The following PAQR5 variants were observed in gnomAD, a reference collection of about 807,000 sequenced individuals.
PAQR5 encodes the protein progestin and adipoQ receptor family member 5, also known as membrane progestin receptor gamma.
A neutral mutation model predicts 34.5 loss-of-function variants in PAQR5; 20 were observed. The ratio of observed to expected loss-of-function variants is 0.58; its 90% CI spans 0.41 to 0.84. The LOEUF (loss-of-function observed/expected upper bound fraction) is 0.84. Ranked by LOEUF, PAQR5 falls within the 40% of genes least tolerant of loss-of-function variation. The pLI is 0.00. For synonymous variants in PAQR5, 131 were observed against 155.6 expected (o/e 0.84, Z 1.18); for missense variants, 378 against 412.7 (o/e 0.92, Z 0.73).
At chr15:69,310,966 G>A (rs559395273) in intron 1 of PAQR5, among the ~76,000 whole-genome samples, 1 of 148,046 alleles carries the variant, frequency 6.8e-6, no homozygotes, top group Non-Finnish European at 1.5e-5. Context: ...GTGAACCCGG[G>A]AGGCGGAGCT....
In PAQR5 at chr15:69,379,972, T is replaced by C. The variant is rs1021540818; in HGVS notation, c.141T>C (p.Asn47=). 2 of 1,613,188 alleles carry C rather than the reference T, an allele frequency of 1.2e-6. No homozygotes were observed. The highest frequency in any genetic ancestry group is 1.3e-5 in the African/African-American group (1 of 75,066). The part of the protein sequence containing the change: ...ACILSLFQMT[N]ETLNIWTHLL... ...TCCTCAGCCTTTTCCAAATGACCAA[T>C]GAGACTCTCAACATTTGGACTCACT... is the stretch of plus-strand genomic sequence containing the variant. The change falls in exon 4 of 9, where the codon AAT becomes AAC. Residue 47 remains asparagine, a synonymous_variant. Transcript: ENST00000395407.
At chr15:69,382,710 GTATGTATA>G (rs1469819908) in intron 4 of PAQR5, 6 of 114,564 alleles carry the variant, frequency 5.2e-5, no homozygotes, top group African/African-American at 1.7e-4. Context: ...ATATATGTAT[GTATGTATA>G]TATGTATGTA....
At chr15:69,400,614 G>C (rs961777184) in intron 8 of PAQR5, among the ~76,000 whole-genome samples, 8 of 152,162 alleles carry the variant, frequency 5.3e-5, no homozygotes, top group Non-Finnish European at 1.5e-5. Flanking sequence ...CTGGAAGGTT[G>C]AGGCTACAGT....
At chr15:69,322,766 A>AGAAGATGAGGAAGAAGAAGAAGAG (rs2054144704) in intron 1 of PAQR5, among the ~76,000 whole-genome samples, 2 of 25,838 alleles carry the variant, frequency 7.7e-5, no homozygotes, top group African/African-American at 2.0e-4. Flanking sequence ...AAGAAGAAGA[A>AGAAGATGAGGAAGAAGAAGAAGAG]GAAGAGGGAG....
rs144601337 is a variant in PAQR5, at chr15:69,390,356, A to ATTTTTTTT, written c.512+579_512+580insTTTTTTTT. ...TATTTATTTATTTATTTATTTATTTATTTATTTTTTTGAGACAGGGTCTCT... is the reference window on the plus strand; with the variant it reads ...TATTTATTTATTTATTTATTTATTTATTTTTTTTTTTATTTTTTTGAGACAGGGTCTCT... On this transcript the variant is annotated intron_variant, in intron 6 of 8. Transcript: ENST00000395407. Among the ~76,000 whole-genome samples the ATTTTTTTT allele has an allele frequency of 2.8e-3, 376 of 132,638 alleles. 11 individuals carry two copies. The highest frequency in any genetic ancestry group is 0.016 in the Middle Eastern group (4 of 252). The allele number at this position is 132,638 out of a possible 152,430, so 87.0% of individuals were successfully genotyped here.
intron 1 of PAQR5, among the ~76,000 whole-genome samples, chr15:69,304,811 T>C (rs556366514): frequency 1.3e-5 from 2 of 152,300 alleles, no homozygotes; most frequent in African/African-American, 2.4e-5. Context: ...TGGGATTCAT[T>C]TGGAGCCTGC....
rs1209696884 is a variant in PAQR5 at position 69,390,357 on chromosome 15, TTTA to T, written c.512+580_512+582del. On this transcript the variant is annotated intron_variant, in intron 6 of 8. Coordinates refer to ENST00000395407, the MANE Select transcript of PAQR5 (RefSeq NM_017705.4). ...ATTTATTTATTTATTTATTTATTTATTTATTTTTTTGAGACAGGGTCTCTCTCT... is the reference window on the plus strand; with the variant it reads ...ATTTATTTATTTATTTATTTATTTATTTTTTTTGAGACAGGGTCTCTCTCT... Among the ~76,000 whole-genome samples, 173 of 75,566 alleles carry T rather than the reference TTTA, an allele frequency of 2.3e-3. 3 individuals are homozygous for T. Among genetic ancestry groups the T allele is most frequent in the African/African-American group, 6.5e-3 (164 of 25,066 alleles). 49.6% of individuals were successfully genotyped at this position (75,566 alleles called of 152,430 possible).
intron 1 of PAQR5, among the ~76,000 whole-genome samples, chr15:69,300,704 CTTTCTTTCTTTCTT>C (rs754306133): frequency 0.18 from 5,175 of 28,602 alleles, 2,031 homozygotes; most frequent in Admixed American, 0.38. Flanking sequence ...CTCTCTCTCT[CTTTCTTTCTTTCTT>C]TCTTTCTTTC....
rs2056725170 is a variant in PAQR5, at chr15:69,404,523, G to A, written c.*701G>A. ...AGCGGGGTGTCATGTGTTCTGTTAT[G>A]TTCTGTTTTCTGGTTGCCAGTTTGA... On this transcript the variant is annotated 3_prime_UTR_variant, in exon 9 of 9. Coordinates refer to ENST00000395407, the MANE Select transcript of PAQR5 (RefSeq NM_017705.4). 3 of 157,162 alleles carry A rather than the reference G, an allele frequency of 1.9e-5. No individual in the cohort carries two copies. Among genetic ancestry groups the A allele is most frequent in the Admixed American group, 1.3e-4 (2 of 15,404 alleles). 9.7% of individuals were successfully genotyped at this position (157,162 alleles called of 1,614,324 possible). A position where few individuals can be genotyped will look rare whatever the true frequency, so the allele number is the denominator to read the frequency against.
chr15:69,321,254 G>GT (rs1419978681), intron 1 of PAQR5, among the ~76,000 whole-genome samples: 8 of 152,184 alleles, frequency 5.3e-5, no homozygotes, highest in East Asian at 1.9e-4. Context: ...ATATTTCAGG[G>GT]TTTTTTCTGA....
chr15:69,347,774 C>T (rs1406474654), intron 2 of PAQR5, among the ~76,000 whole-genome samples: 1 of 152,170 alleles, frequency 6.6e-6, no homozygotes, highest in African/African-American at 2.4e-5. Flanking sequence ...CTTCCTATGG[C>T]TGAAGGGCAG....
At chr15:69,324,879 C>T (rs1033164839) in intron 1 of PAQR5, among the ~76,000 whole-genome samples, 24 of 150,350 alleles carry the variant, frequency 1.6e-4, no homozygotes, top group African/African-American at 5.8e-4. Context: ...CTCTTCAAGA[C>T]TTATCCCAAG....
At chr15:69,336,417 TG>T (rs1200813259) in intron 1 of PAQR5, among the ~76,000 whole-genome samples, 1 of 152,216 alleles carries the variant, frequency 6.6e-6, no homozygotes, top group East Asian at 1.9e-4. Context: ...TTTGTGTAAA[TG>T]TATTATTGGC....
intron 4 of PAQR5, 145 bp downstream of exon 4, chr15:69,380,155 G>A: frequency 2.5e-6 from 2 of 811,654 alleles, no homozygotes; most frequent in East Asian, 2.5e-5. Flanking sequence ...TGAAGGGAGT[G>A]TGTGACAGAG....
At chr15:69,337,199 C>T (rs904479470) in intron 1 of PAQR5, 142 bp from the exon 2 acceptor site, 6 of 152,330 alleles carry the variant, frequency 3.9e-5, no homozygotes, top group African/African-American at 1.2e-4. Context: ...GTAAAATATA[C>T]TCCTGTGGAA....
chr15:69,363,544 TTTTTG>T lies in PAQR5; in HGVS notation c.51+3418_51+3422del, dbSNP rs1478464556. Among the ~76,000 whole-genome samples the T allele has an allele frequency of 3.0e-3, 22 of 7,440 alleles. 3 individuals carry two copies. The highest frequency in any genetic ancestry group is 0.048 in the South Asian group (2 of 42). The allele number at this position is 7,440 out of a possible 152,430, so 4.9% of individuals were successfully genotyped here. On this transcript the variant is annotated intron_variant, in intron 3 of 8. Transcript: ENST00000395407. ...TGTCAAATTGCTAATCTGTTTTTTG[TTTTTG>T]TTTTTTTTTTTTTTTGAGACAGAGT...
intron 7 of PAQR5, among the ~76,000 whole-genome samples, chr15:69,399,406 T>C (rs1289178352): frequency 3.3e-5 from 5 of 152,240 alleles, no homozygotes; most frequent in Non-Finnish European, 7.3e-5. Flanking sequence ...ATTGTAAGAA[T>C]ACAATATATA....
chr15:69,365,515 T>C (rs918644593), intron 3 of PAQR5, among the ~76,000 whole-genome samples: 1 of 152,256 alleles, frequency 6.6e-6, no homozygotes, highest in African/African-American at 2.4e-5. Context: ...TTTGCTAATG[T>C]TAAACCAATT....
rs964773458 is a variant in PAQR5 at position 69,404,660 on chromosome 15, A to G, written c.*838A>G. On this transcript the variant is annotated 3_prime_UTR_variant, in exon 9 of 9. Coordinates refer to ENST00000395407, the MANE Select transcript of PAQR5 (RefSeq NM_017705.4). ...ACCTTTTAAACCAATGGAAATTGCT[A>G]TATTTGGGGATGTCATACATTTGAT... is the stretch of plus-strand genomic sequence containing the variant. 4.6e-5 allele frequency: 14 copies of G among 306,466 alleles called. No homozygotes were observed. Among genetic ancestry groups the G allele is most frequent in the Admixed American group, 2.0e-4 (4 of 20,028 alleles). The allele number at this position is 306,466 out of a possible 1,614,324, so 19.0% of individuals were successfully genotyped here. A position where few individuals can be genotyped will look rare whatever the true frequency, so the allele number is the denominator to read the frequency against.
Sources: gnomAD v4.1 joint callset for allele counts (sites outside exome capture counted in the v4.1 genomes callset) on GRCh38, gnomAD v4.1.1 for gene constraint, MANE v1.5 for transcripts, NCBI Gene and HGNC (gene_info 2026-07-23, HGNC 2026-07-21) for gene names.